The following CDH8 variants were observed in gnomAD, a reference collection of about 807,000 sequenced individuals.
CDH8 encodes cadherin-8.
A neutral mutation model predicts 68.1 loss-of-function variants in CDH8; 17 were observed. The observed-to-expected ratio is 0.25, with a 90% CI of 0.17 to 0.37. The LOEUF (loss-of-function observed/expected upper bound fraction) is 0.37, where lower values mean the gene tolerates loss of function less well. Among genes scored for constraint, CDH8 ranks in the 10% least tolerant of loss-of-function variants. The pLI is 1.00. For missense variants in CDH8, 763 were observed against 999.3 expected (o/e 0.76, Z 3.19); for synonymous variants, 372 against 365.1 (o/e 1.02, Z -0.21).
rs573469551 is a variant in CDH8, at chr16:61,779,065, C to T, written c.1414+10281G>A. The stretch of plus-strand genomic sequence containing the variant: ...CACTAACTCAGAGAGATTAATTTAA[C>T]GGGCAATTATATGCTTCCTGCTTTG... On this transcript the variant is annotated intron_variant, in intron 8 of 11. Coordinates refer to ENST00000577390, the MANE Select transcript of CDH8 (RefSeq NM_001796.5). 4.9e-4 allele frequency among the ~76,000 whole-genome samples: 75 copies of T among 152,238 alleles called. 1 individual carries two copies. The highest frequency in any genetic ancestry group is 2.5e-3 in the South Asian group (12 of 4,816).
At chr16:61,724,305 G>A (rs560173602) in intron 9 of CDH8, among the ~76,000 whole-genome samples, 5 of 150,808 alleles carry the variant, frequency 3.3e-5, no homozygotes, top group South Asian at 2.1e-4. Context: ...AAGAGAAAGC[G>A]ACCTCCCTCT....
intron 7 of CDH8, among the ~76,000 whole-genome samples, chr16:61,791,963 A>C (rs188631541): frequency 6.6e-6 from 1 of 152,056 alleles, no homozygotes; most frequent in Admixed American, 6.6e-5. Context: ...ACTAAAAACA[A>C]AGCTTAAATC....
chr16:61,807,454 T>C (rs1320046623), intron 7 of CDH8, among the ~76,000 whole-genome samples: 6 of 151,932 alleles, frequency 3.9e-5, no homozygotes, highest in Non-Finnish European at 7.4e-5. Context: ...TGTGCACATG[T>C]ACCCTAAAAC....
chr16:61,739,914 TA>T (rs1411375085), intron 8 of CDH8, among the ~76,000 whole-genome samples: 8 of 54,680 alleles, frequency 1.5e-4, no homozygotes, highest in African/African-American at 5.5e-4. Flanking sequence ...TATATATATG[TA>T]TTTTTTTTTT....
chr16:61,743,364 C>T, intron 8 of CDH8: 1 of 155,518 alleles, frequency 6.4e-6, no homozygotes. Flanking sequence ...GGGAGGGATG[C>T]CCGTGGAGTG....
At chr16:61,968,562 G>A (rs946567934) in intron 2 of CDH8, among the ~76,000 whole-genome samples, 3 of 152,142 alleles carry the variant, frequency 2.0e-5, no homozygotes, top group Non-Finnish European at 1.5e-5. Flanking sequence ...CAGAATCGAT[G>A]AAAGAAAAGC....
At chr16:61,681,240 T>C (rs1390169305) in intron 10 of CDH8, among the ~76,000 whole-genome samples, 4 of 151,924 alleles carry the variant, frequency 2.6e-5, no homozygotes, top group African/African-American at 9.7e-5. Flanking sequence ...TATAGAAGCA[T>C]TATTCACAGT....
In CDH8 at chr16:61,652,699, C is replaced by A. The variant is rs2142733101; in HGVS notation, c.*909G>T. On this transcript the variant is annotated 3_prime_UTR_variant, in exon 12 of 12. Coordinates refer to ENST00000577390, the MANE Select transcript of CDH8 (RefSeq NM_001796.5). The stretch of plus-strand genomic sequence containing the variant: ...ATAATTTAGTTTTTTCCCATATATC[C>A]CCTTAATCTATAGATTACCGACCTT... The A allele has an allele frequency of 1.6e-6, 2 of 1,245,930 alleles. No individual in the cohort carries two copies. Among genetic ancestry groups the A allele is most frequent in the African/African-American group, 1.5e-5 (1 of 64,898 alleles). 77.2% of individuals were successfully genotyped at this position (1,245,930 alleles called of 1,614,324 possible).
intron 2 of CDH8, among the ~76,000 whole-genome samples, chr16:61,936,704 T>C (rs1371950706): frequency 1.3e-5 from 2 of 152,124 alleles, no homozygotes; most frequent in Non-Finnish European, 2.9e-5. Context: ...GTCCAGAACT[T>C]AACTGATCAG....
At chr16:62,013,341 G>C (rs943140264) in intron 2 of CDH8, among the ~76,000 whole-genome samples, 7 of 151,810 alleles carry the variant, frequency 4.6e-5, no homozygotes, top group Non-Finnish European at 1.0e-4. Context: ...CATTTGTGGG[G>C]GTGAAGGTAA....
At chr16:61,734,777 T>A (rs1213435395) in intron 8 of CDH8, among the ~76,000 whole-genome samples, 1 of 152,150 alleles carries the variant, frequency 6.6e-6, no homozygotes, top group African/African-American at 2.4e-5. Context: ...TAAAAACATA[T>A]TTCAAAAAAA....
intron 2 of CDH8, among the ~76,000 whole-genome samples, chr16:61,990,780 T>G (rs563716822): frequency 6.6e-6 from 1 of 150,398 alleles, no homozygotes; most frequent in Admixed American, 6.6e-5. Context: ...GTTATGATCA[T>G]GCCCCTGTAC....
At chr16:61,764,316 GA>G (rs1238091946) in intron 8 of CDH8, among the ~76,000 whole-genome samples, 1 of 152,046 alleles carries the variant, frequency 6.6e-6, no homozygotes, top group Admixed American at 6.6e-5. Flanking sequence ...AAAATGAATA[GA>G]AGGAGGTCAG....
intron 10 of CDH8, among the ~76,000 whole-genome samples, chr16:61,699,031 A>G (rs185810843): frequency 2.0e-5 from 3 of 152,284 alleles, no homozygotes; most frequent in Admixed American, 2.0e-4. Context: ...TTGGTTTTAG[A>G]TAGCTAGTTT....
intron 10 of CDH8, 53 bp downstream of exon 10, chr16:61,713,788 A>C: frequency 1.1e-6 from 1 of 934,228 alleles, no homozygotes; most frequent in Non-Finnish European, 1.7e-6. Flanking sequence ...ATGAAATTGC[A>C]TCCTATTTTC....
intron 5 of CDH8, among the ~76,000 whole-genome samples, chr16:61,822,737 A>G (rs1962244544): frequency 6.6e-6 from 1 of 151,918 alleles, no homozygotes; most frequent in Non-Finnish European, 1.5e-5. Flanking sequence ...CATTTTCCAC[A>G]AACTGTATAT....
At chr16:61,854,384 T>A (rs1456951995) in intron 4 of CDH8, among the ~76,000 whole-genome samples, 1 of 152,032 alleles carries the variant, frequency 6.6e-6, no homozygotes. Context: ...CTTTTAAGAG[T>A]AATGTTTGCT....
chr16:61,691,361 T>A (rs1393136523), intron 10 of CDH8, among the ~76,000 whole-genome samples: 3 of 97,762 alleles, frequency 3.1e-5, no homozygotes, highest in African/African-American at 1.7e-4. Flanking sequence ...GTGCATTATC[T>A]TTTTTTTTTT....
At chr16:61,849,815 G>T (rs1183942958) in intron 4 of CDH8, among the ~76,000 whole-genome samples, 2 of 152,116 alleles carry the variant, frequency 1.3e-5, no homozygotes, top group Non-Finnish European at 2.9e-5. Flanking sequence ...CAATGCAAGA[G>T]CTTTTGGTTC....
Sources: gnomAD v4.1 joint callset for allele counts (sites outside exome capture counted in the v4.1 genomes callset) on GRCh38, gnomAD v4.1.1 for gene constraint, MANE v1.5 for transcripts, NCBI Gene and HGNC (gene_info 2026-07-23, HGNC 2026-07-21) for gene names.